The following ZNF217 variants were observed in gnomAD, a reference collection of about 807,000 sequenced individuals.
The protein encoded by ZNF217 is zinc finger protein 217.
ZNF217 carries 12 observed loss-of-function variants against 73.3 expected under a neutral mutation model. The observed-to-expected ratio is 0.16, with a 90% confidence interval of 0.10 to 0.27. The LOEUF is 0.27. Among genes scored for constraint, ZNF217 ranks in the 10% least tolerant of loss-of-function variants. ZNF217 has a pLI of 1.00. For missense variants in ZNF217, 1,195 were observed against 1,327.8 expected (o/e 0.90, Z 1.55); for synonymous variants, 588 against 516.4 (o/e 1.14, Z -1.88).
intron 1 of ZNF217, among the ~76,000 whole-genome samples, chr20:53,584,649 T>A (rs1406609412): frequency 1.3e-5 from 2 of 152,246 alleles, no homozygotes; most frequent in Admixed American, 6.5e-5. Context: ...ACATACCACA[T>A]CTTTCTATTA....
chr20:53,594,874 T>C (rs1226422633), upstream of ZNF217, among the ~76,000 whole-genome samples: 1 of 152,114 alleles, frequency 6.6e-6, no homozygotes, highest in African/African-American at 2.4e-5. Context: ...AGATAAACAG[T>C]TTTTAAATGA....
chr20:53,588,963 A>G (rs1406111997), intron 1 of ZNF217, among the ~76,000 whole-genome samples: 1 of 152,252 alleles, frequency 6.6e-6, no homozygotes, highest in Non-Finnish European at 1.5e-5. Flanking sequence ...AAAAGAAACA[A>G]AAACACTTCA....
At chr20:53,569,474 C>T (rs997827763) in intron 5 of ZNF217, among the ~76,000 whole-genome samples, 2 of 152,120 alleles carry the variant, frequency 1.3e-5, no homozygotes, top group Non-Finnish European at 2.9e-5. Flanking sequence ...CCTCTACCTC[C>T]CAGGTTCAAG....
At position 53,569,146 on chromosome 20, in the gene ZNF217, C is replaced by G. The variant is rs1424198956; in HGVS notation, c.*142G>C. ...CAACTGTAGTGTTCCTTGCAGATTC[C>G]TCATATGTTTTATGTACAGTACAAT... is the stretch of plus-strand genomic sequence containing the variant. On this transcript the variant is annotated 3_prime_UTR_variant, in exon 6 of 6. Transcript: ENST00000371471. The G allele has an allele frequency of 7.5e-7, 1 of 1,338,064 alleles. No homozygotes were observed. Among genetic ancestry groups the G allele is most frequent in the Non-Finnish European group, 9.9e-7 (1 of 1,008,280 alleles). The allele number at this position is 1,338,064 out of a possible 1,614,324, so 82.9% of individuals were successfully genotyped here. A position where few individuals can be genotyped will look rare whatever the true frequency, so the allele number is the denominator to read the frequency against.
intron 3 of ZNF217, among the ~76,000 whole-genome samples, chr20:53,577,917 G>A (rs1988342562): frequency 1.3e-5 from 2 of 152,172 alleles, no homozygotes; most frequent in African/African-American, 2.4e-5. Context: ...TTCGAAACCA[G>A]CCTGGCCAGC....
At chr20:53,570,289 C>A (rs1245584965) in intron 5 of ZNF217, 1 of 152,708 alleles carries the variant, frequency 6.5e-6, no homozygotes, top group Non-Finnish European at 1.5e-5. Context: ...GACTGCAGAA[C>A]CACACAAGGC....
At position 53,571,837 on chromosome 20, in the gene ZNF217, T is replaced by A. The variant is rs36029677; in HGVS notation, c.3054A>T (p.Ser1018=). 4,654 of 1,608,894 alleles carry A rather than the reference T, an allele frequency of 2.9e-3. 135 individuals carry two copies. The African/African-American group carries it at 0.057, about 20-fold the overall frequency. The change falls in exon 5 of 6, where the codon TCA becomes TCT. Residue 1018 remains serine, a synonymous_variant. Transcript: ENST00000371471. ...SSTLEGKRPV[S]YQHLSNSMAQ... is the part of the protein sequence containing the mutation. ...CCATGCTGTTAGATAAGTGTTGATATGACACAGGCCTTTTTCCTGATTGAA... is the reference window on the plus strand; with the variant it reads ...CCATGCTGTTAGATAAGTGTTGATAAGACACAGGCCTTTTTCCTGATTGAA...
intron 1 of ZNF217, among the ~76,000 whole-genome samples, chr20:53,591,642 G>A (rs927147827): frequency 2.0e-5 from 3 of 152,096 alleles, no homozygotes; most frequent in African/African-American, 7.2e-5. Flanking sequence ...TGACTTCCCA[G>A]AAGGAAAAAA....
chr20:53,581,482 G>A lies in ZNF217; in HGVS notation c.1345C>T (p.Leu449Phe), dbSNP rs1352525958. The change falls in exon 2 of 6, where the codon CTT (leucine) becomes TTT (phenylalanine). Residue 449 changes from leucine to phenylalanine, a missense_variant. Physicochemically the swap from Leu to Phe is conservative, Grantham distance 22 (BLOSUM62 0). Coordinates refer to ENST00000371471, the MANE Select transcript of ZNF217 (RefSeq NM_006526.3). This position sits in a 1 kb window ranked among gnomAD's most constrained non-coding sequence, Gnocchi z 4.9. ...GGSEDGSEDG[L>F]PEGIHLDKND... ...TTACCCAGATGGATTCCTTCGGGAA[G>A]CCCATCCTCAGATCCGTCTTCAGAA... 2 of 1,610,598 alleles carry A rather than the reference G, an allele frequency of 1.2e-6. No homozygotes were observed. The highest frequency in any genetic ancestry group is 8.5e-7 in the Non-Finnish European group (1 of 1,177,344).
At chr20:53,573,773 T>C (rs374908300) in intron 4 of ZNF217, among the ~76,000 whole-genome samples, 2 of 152,290 alleles carry the variant, frequency 1.3e-5, no homozygotes, top group East Asian at 3.9e-4. Flanking sequence ...CCATATACTT[T>C]AAATCATCTC....
Position 53,582,722 on chromosome 20 carries a change from C to T in ZNF217, c.105G>A (p.Glu35=). The stretch of plus-strand genomic sequence containing the variant: ...CGGTCCCTTTCATTGACAAGGCATC[C>T]TCCATCTCCATCGGACTGCCAAGAG... The part of the protein sequence containing the change: ...GSSLGSPMEM[E]DALSMKGTAV... Residue 35 remains glutamate (E), a synonymous_variant, in exon 2 of 6, where the codon GAG becomes GAA. Coordinates refer to ENST00000371471, the MANE Select transcript of ZNF217 (RefSeq NM_006526.3). The surrounding 1 kb of genome is among the most constrained non-coding windows in gnomAD (Gnocchi z 4.8). The T allele has an allele frequency of 6.2e-7, 1 of 1,614,138 alleles. No individual in the cohort carries two copies. The highest frequency in any genetic ancestry group is 1.1e-5 in the South Asian group (1 of 91,078).
intron 5 of ZNF217, among the ~76,000 whole-genome samples, chr20:53,571,408 C>CCT (rs1568678129): frequency 8.8e-6 from 1 of 113,700 alleles, no homozygotes; most frequent in African/African-American, 3.5e-5. Context: ...CCGCCCCCGC[C>CCT]CCCCCTTTTT....
At chr20:53,591,424 C>CA (rs1336709032) in intron 1 of ZNF217, among the ~76,000 whole-genome samples, 1 of 152,114 alleles carries the variant, frequency 6.6e-6, no homozygotes, top group Non-Finnish European at 1.5e-5. Flanking sequence ...ATTAAAATTC[C>CA]AAACAAACAG....
chr20:53,582,576 A>T lies in ZNF217; in HGVS notation c.251T>A (p.Val84Asp). The T allele has an allele frequency of 6.2e-7, 1 of 1,614,200 alleles. No individual in the cohort carries two copies. The highest frequency in any genetic ancestry group is 8.5e-7 in the Non-Finnish European group (1 of 1,180,036). The stretch of plus-strand genomic sequence containing the variant: ...GAGGGTAGGCCGGTGTTGCATTAAG[A>T]CATGTTTATTAAGGTCTTCTGAATG... Reference protein sequence around the residue: ...FTHSEDLNKHVLMQHRPTLCE... With the variant: ...FTHSEDLNKHDLMQHRPTLCE... The change falls in exon 2 of 6, where the codon GTC (valine) becomes GAC (aspartate). Residue 84 changes from valine (V) to aspartate (D), a missense_variant. Val to Asp is a radical substitution (Grantham distance 152). Around this residue, in one of 9 missense-constraint regions of ZNF217, gnomAD observed 147 missense variants for 184.3 expected, o/e 0.80. Coordinates refer to ENST00000371471, the MANE Select transcript of ZNF217 (RefSeq NM_006526.3). This position sits in a 1 kb window ranked among gnomAD's most constrained non-coding sequence, Gnocchi z 4.8.
At chr20:53,584,226 G>C (rs868141681) in intron 1 of ZNF217, among the ~76,000 whole-genome samples, 1 of 152,208 alleles carries the variant, frequency 6.6e-6, no homozygotes, top group African/African-American at 2.4e-5. Flanking sequence ...TAAAACTTAA[G>C]TCAGTTAATT....
intron 4 of ZNF217, among the ~76,000 whole-genome samples, chr20:53,573,752 T>G (rs1988119040): frequency 1.3e-5 from 2 of 152,116 alleles, no homozygotes; most frequent in South Asian, 4.1e-4. Flanking sequence ...AGCCACCACA[T>G]CCAGCACCTC....
intron 2 of ZNF217, among the ~76,000 whole-genome samples, chr20:53,579,613 T>C (rs1988413098): frequency 6.6e-6 from 1 of 152,196 alleles, no homozygotes; most frequent in Non-Finnish European, 1.5e-5. Flanking sequence ...TTGCGTCATA[T>C]CCAAAAAGCT....
At position 53,576,105 on chromosome 20, in the gene ZNF217, T is replaced by C; in HGVS notation, c.2659A>G (p.Lys887Glu). ...GGAGGTGCCCACGGGCTGTCGTTCT[T>C]GGCGGGGTAGTCGATGGAACCATTG... ...NINGSIDYPA[K>E]NDSPWAPPGR... The change falls in exon 4 of 6, where the codon AAG (lysine) becomes GAG (glutamate). Residue 887 changes from lysine to glutamate, a missense_variant. This residue lies in a region of ZNF217 where 649 missense variants were observed against 642.8 expected (regional missense o/e 1.01). Coordinates refer to ENST00000371471, the MANE Select transcript of ZNF217 (RefSeq NM_006526.3). The C allele has an allele frequency of 6.2e-7, 1 of 1,614,174 alleles. No individual in the cohort carries two copies. The highest frequency in any genetic ancestry group is 8.5e-7 in the Non-Finnish European group (1 of 1,180,016).
At chr20:53,570,195 T>C (rs1475388832) in intron 5 of ZNF217, 1 of 152,640 alleles carries the variant, frequency 6.6e-6, no homozygotes, top group Non-Finnish European at 1.5e-5. Context: ...TATGTTTTAA[T>C]ATAGAGTGGA....
Sources: gnomAD v4.1 joint callset for allele counts (sites outside exome capture counted in the v4.1 genomes callset) on GRCh38, gnomAD v4.1.1 for gene constraint, gnomAD v4.1.1 regional missense constraint, Gnocchi (gnomAD v3.1) non-coding constraint, MANE v1.5 for transcripts, NCBI Gene and HGNC (gene_info 2026-07-23, HGNC 2026-07-21) for gene names.